Variants in FAM227B observed in about 807,000 individuals in gnomAD.
FAM227B encodes the protein protein FAM227B.
FAM227B carries 88 observed loss-of-function variants against 73.8 expected under a neutral mutation model. The ratio of observed to expected loss-of-function variants is 1.19; its 90% confidence interval spans 1.00 to 1.42. The LOEUF (loss-of-function observed/expected upper bound fraction) is 1.42. Among genes scored for constraint, FAM227B ranks in the 40% most tolerant of loss-of-function variants. The probability of loss-of-function intolerance (pLI) is 0.00; values close to 1 mark genes in which losing one functional copy is unlikely to be tolerated. For synonymous variants in FAM227B, 210 were observed against 190.5 expected, an observed-to-expected ratio of 1.10 and a Z score of -0.84; for missense variants, 632 against 590.9, an observed-to-expected ratio of 1.07 and a Z score of -0.72.
chr15:49,328,104 A>G lies in FAM227B; in HGVS notation c.*464T>C. On this transcript the variant is annotated 3_prime_UTR_variant, in exon 16 of 16. Coordinates refer to ENST00000299338, the MANE Select transcript of FAM227B (RefSeq NM_152647.3). Reference sequence around the variant, plus strand: ...GATGGAAGCTTAGCACCGGAGAAGCAAAGTTTGTTTGCTACCAAACCTGGA... The same window carrying G: ...GATGGAAGCTTAGCACCGGAGAAGCGAAGTTTGTTTGCTACCAAACCTGGA... The G allele has an allele frequency of 6.2e-7, 1 of 1,614,154 alleles. No homozygotes were observed. The highest frequency in any genetic ancestry group is 8.5e-7 in the Non-Finnish European group (1 of 1,180,018).
intron 10 of FAM227B, among the ~76,000 whole-genome samples, chr15:49,522,828 A>G (rs900129435): frequency 6.6e-6 from 1 of 152,178 alleles, no homozygotes; most frequent in African/African-American, 2.4e-5. Flanking sequence ...GACATTTCTG[A>G]GGCAGAAGAA....
chr15:49,556,911 T>G (rs1243847468), intron 9 of FAM227B, among the ~76,000 whole-genome samples: 1 of 152,152 alleles, frequency 6.6e-6, no homozygotes, highest in Non-Finnish European at 1.5e-5. Flanking sequence ...CAAGCGTCCA[T>G]AGGGGTCATG....
At chr15:49,504,510 A>C (rs930153513) in intron 11 of FAM227B, among the ~76,000 whole-genome samples, 1 of 152,172 alleles carries the variant, frequency 6.6e-6, no homozygotes, top group East Asian at 1.9e-4. Flanking sequence ...CGTTCCCTGA[A>C]GCCTGCTAGA....
intron 13 of FAM227B, among the ~76,000 whole-genome samples, chr15:49,339,367 T>C (rs2040314142): frequency 1.3e-5 from 2 of 152,214 alleles, no homozygotes; most frequent in African/African-American, 4.8e-5. Flanking sequence ...TGTTTGTTAG[T>C]TTTCCTTCTA....
Position 49,577,123 on chromosome 15 carries a change from C to G in FAM227B, c.442-278G>C, listed in dbSNP as rs189614603. The G allele has an allele frequency of 2.0e-4, 62 of 305,854 alleles. 2 individuals are homozygous for G. In the Admixed American group the frequency reaches 2.2e-3, roughly 11 times the overall value. 18.9% of individuals were successfully genotyped at this position (305,854 alleles called of 1,614,324 possible). ...ACCAGCCTGGACAACATGGTGAAAC[C>G]CTGTTTCTATTAAAAATACAAAAAT... On this transcript the variant is annotated intron_variant, in intron 6 of 15. Coordinates refer to ENST00000299338, the MANE Select transcript of FAM227B (RefSeq NM_152647.3).
chr15:49,586,043 T>C (rs1430702954), intron 5 of FAM227B, among the ~76,000 whole-genome samples: 2 of 151,978 alleles, frequency 1.3e-5, no homozygotes, highest in Non-Finnish European at 2.9e-5. Flanking sequence ...TAAATTCATA[T>C]GGAACCAAAA....
intron 11 of FAM227B, among the ~76,000 whole-genome samples, chr15:49,379,696 T>A (rs770189588): frequency 1.1e-4 from 16 of 152,188 alleles, no homozygotes; most frequent in Non-Finnish European, 1.8e-4. Flanking sequence ...ATCCTCTGGA[T>A]TACAAGGTAG....
chr15:49,422,052 G>C (rs1400363734), intron 11 of FAM227B, among the ~76,000 whole-genome samples: 7 of 151,818 alleles, frequency 4.6e-5, no homozygotes. Context: ...ATCCAGTTGA[G>C]TAGATTTAAT....
At chr15:49,452,630 A>G (rs1167945808) in intron 11 of FAM227B, among the ~76,000 whole-genome samples, 2 of 152,170 alleles carry the variant, frequency 1.3e-5, no homozygotes, top group African/African-American at 4.8e-5. Context: ...AAATATAATG[A>G]AGATACCTTA....
intron 3 of FAM227B, among the ~76,000 whole-genome samples, chr15:49,596,802 A>G (rs1648445384): frequency 6.6e-6 from 1 of 152,028 alleles, no homozygotes; most frequent in Non-Finnish European, 1.5e-5. Context: ...AATTCACACC[A>G]AAAGTGCAGG....
chr15:49,591,325 C>T (rs1324567002), intron 3 of FAM227B, among the ~76,000 whole-genome samples: 1 of 151,216 alleles, frequency 6.6e-6, no homozygotes, highest in Non-Finnish European at 1.5e-5. Flanking sequence ...CTGCCTCAGC[C>T]TCCCAAAGTG....
At chr15:49,510,175 T>A (rs992694783) in intron 10 of FAM227B, among the ~76,000 whole-genome samples, 1 of 152,148 alleles carries the variant, frequency 6.6e-6, no homozygotes, top group Non-Finnish European at 1.5e-5. Flanking sequence ...CACCATCCTA[T>A]CCCATTATCA....
chr15:49,427,675 C>CT (rs1486043726), intron 11 of FAM227B, among the ~76,000 whole-genome samples: 1 of 152,006 alleles, frequency 6.6e-6, no homozygotes, highest in African/African-American at 2.4e-5. Context: ...TGTCAATAGG[C>CT]TTCAGAGGAC....
intron 15 of FAM227B, chr15:49,329,107 T>C: frequency 1.0e-6 from 1 of 994,382 alleles, no homozygotes; most frequent in Non-Finnish European, 1.2e-6. Context: ...CCTTTTTTGC[T>C]TGTCTAGCAA....
Position 49,577,647 on chromosome 15 carries a change from C to T in FAM227B, c.423G>A (p.Glu141=). ...KKKIMLSDEM[E]TEKNIEGCSF... ...TAAGTACCTCTATATTCTTCTCTGT[C>T]TCCATTTCATCTGAAAGCTGGAAAA... Residue 141 remains glutamate (E), a synonymous_variant, in exon 6 of 16, where the codon GAG becomes GAA. Transcript: ENST00000299338. 6.4e-7 allele frequency: 1 copy of T among 1,565,698 alleles called. No homozygotes were observed. The highest frequency in any genetic ancestry group is 1.2e-5 in the South Asian group (1 of 86,038).
At chr15:49,396,950 T>C (rs577947646) in intron 11 of FAM227B, among the ~76,000 whole-genome samples, 4,341 of 152,156 alleles carry the variant, frequency 0.029, 85 homozygotes, top group Non-Finnish European at 0.042. Context: ...CTCTCCTCCT[T>C]CAAAGGAACG....
intron 14 of FAM227B, 72 bp from the exon 15 acceptor site, chr15:49,331,921 A>C (rs2038842481): frequency 1.2e-6 from 1 of 856,154 alleles, no homozygotes; most frequent in African/African-American, 1.7e-5. Flanking sequence ...AATAGCCAAC[A>C]TTTATTAAGA....
At chr15:49,412,486 A>C (rs1480481374) in intron 11 of FAM227B, among the ~76,000 whole-genome samples, 2 of 152,054 alleles carry the variant, frequency 1.3e-5, no homozygotes, top group Non-Finnish European at 2.9e-5. Flanking sequence ...TCAAAATATC[A>C]ACACTGTTAT....
intron 3 of FAM227B, among the ~76,000 whole-genome samples, chr15:49,598,735 T>C (rs1157710482): frequency 6.6e-6 from 1 of 152,116 alleles, no homozygotes; most frequent in South Asian, 2.1e-4. Flanking sequence ...ATTCTGCTAA[T>C]GTGGTTTATC....
Sources: allele counts gnomAD v4.1 joint callset (sites outside exome capture counted in the v4.1 genomes callset), GRCh38; gene constraint gnomAD v4.1.1; transcripts MANE v1.5; gene names NCBI Gene and HGNC (gene_info 2026-07-23, HGNC 2026-07-21).